PVALB: variants seen among roughly 807,000 people sequenced by gnomAD.
PVALB encodes parvalbumin, also known as parvalbumin alpha.
Under a neutral mutation model 10.9 loss-of-function variants are expected in PVALB, and 11 were observed. The ratio of observed to expected loss-of-function variants is 1.01; its 90% CI spans 0.63 to 1.67. The LOEUF (loss-of-function observed/expected upper bound fraction) is 1.67. Ranked by LOEUF, PVALB falls within the 40% of genes most tolerant of loss-of-function variation. PVALB has a pLI of 0.00. For missense variants in PVALB, 131 were observed against 136.2 expected, an observed-to-expected ratio of 0.96 and a Z score of 0.19; for synonymous variants, 57 against 50.7, an observed-to-expected ratio of 1.12 and a Z score of -0.53.
intron 3 of PVALB, among the ~76,000 whole-genome samples, chr22:36,802,603 CA>C (rs60843863): frequency 1.7e-3 from 48 of 27,788 alleles, no homozygotes; most frequent in Admixed American, 5.8e-3. Flanking sequence ...CCATCTCACA[CA>C]AAAAAAAAAA....
chr22:36,812,375 A>G (rs1651018538), intron 3 of PVALB, among the ~76,000 whole-genome samples: 1 of 152,204 alleles, frequency 6.6e-6, no homozygotes, highest in Admixed American at 6.5e-5. Flanking sequence ...TAAGTTTTAC[A>G]TCCACTTATA....
chr22:36,808,252 G>T (rs1938990303), intron 3 of PVALB, among the ~76,000 whole-genome samples: 1 of 152,170 alleles, frequency 6.6e-6, no homozygotes, highest in Non-Finnish European at 1.5e-5. Flanking sequence ...AGGTTTGAAT[G>T]AGTTAAAAGA....
chr22:36,800,907 G>T lies in PVALB; in HGVS notation c.316C>A (p.Leu106Met), dbSNP rs1266748634. The T allele has an allele frequency of 1.9e-6, 3 of 1,611,650 alleles. No homozygotes were observed. The African/African-American group carries it at 4.0e-5, about 21-fold the overall frequency. Reference protein sequence around the residue: ...GKIGVDEFSTLVAES With the variant: ...GKIGVDEFSTMVAES ...AGTGCTTCTTAGCTTTCAGCCACCA[G>T]AGTGGAGAATTCTGCAGAACAAAAT... The change falls in exon 4 of 4, where the codon CTG (leucine) becomes ATG (methionine). Residue 106 changes from leucine to methionine, a missense_variant. Transcript: ENST00000417718.
intron 2 of PVALB, 43 bp from the exon 3 acceptor site, chr22:36,813,798 A>G: frequency 6.7e-7 from 1 of 1,501,128 alleles, no homozygotes; most frequent in Non-Finnish European, 9.3e-7. Context: ...AGTCAGGCCG[A>G]GGTCGCCTTG....
At chr22:36,815,275 G>A in intron 1 of PVALB, 40 bp from the exon 2 acceptor site, 1 of 1,612,984 alleles carries the variant, frequency 6.2e-7, no homozygotes, top group South Asian at 1.1e-5. Context: ...GACCAGAAAG[G>A]CTGGTAGGGA....
chr22:36,814,813 A>G lies in PVALB; in HGVS notation c.194+290T>C, dbSNP rs145789580. The stretch of plus-strand genomic sequence containing the variant: ...TAGGCAGCAAGAAAACTGCCTCTTC[A>G]TTTGCATTAAATTATTAAGTAGCAA... On this transcript the variant is annotated intron_variant, in intron 2 of 3. Transcript: ENST00000417718. 3.7e-3 allele frequency among the ~76,000 whole-genome samples: 558 copies of G among 152,296 alleles called. 12 individuals are homozygous for G. The highest frequency in any genetic ancestry group is 0.028 in the Admixed American group (426 of 15,302).
intron 3 of PVALB, among the ~76,000 whole-genome samples, chr22:36,802,603 C>CACAAA (rs1222848851): frequency 3.6e-5 from 1 of 27,744 alleles, no homozygotes; most frequent in Admixed American, 4.2e-4. Flanking sequence ...CCATCTCACA[C>CACAAA]AAAAAAAAAA....
chr22:36,815,071 G>A, intron 2 of PVALB, 32 bp downstream of exon 2: 1 of 1,612,994 alleles, frequency 6.2e-7, no homozygotes, highest in Non-Finnish European at 8.5e-7. Flanking sequence ...GTGCAGCCGT[G>A]GGCTGGGCAG....
chr22:36,809,615 T>C (rs1392525505), intron 3 of PVALB, among the ~76,000 whole-genome samples: 1 of 152,206 alleles, frequency 6.6e-6, no homozygotes, highest in Non-Finnish European at 1.5e-5. Context: ...GGAATCATAA[T>C]AGTATACACT....
chr22:36,813,614 A>G (rs1395946612), intron 3 of PVALB, 32 bp downstream of exon 3: 1 of 1,546,682 alleles, frequency 6.5e-7, no homozygotes, highest in Non-Finnish European at 8.9e-7. Flanking sequence ...AAGATCCACA[A>G]TATGCCCAGA....
At chr22:36,816,732 G>A (rs1455297646) in intron 1 of PVALB, among the ~76,000 whole-genome samples, 1 of 152,190 alleles carries the variant, frequency 6.6e-6, no homozygotes, top group Non-Finnish European at 1.5e-5. Flanking sequence ...TAGGCGGGGC[G>A]CCCTCTTCCC....
chr22:36,803,042 T>A (rs1318435784), intron 3 of PVALB, among the ~76,000 whole-genome samples: 1 of 152,244 alleles, frequency 6.6e-6, no homozygotes, highest in East Asian at 1.9e-4. Context: ...TTATAGCTAG[T>A]AACTAACATT....
chr22:36,815,791 G>C (rs138014798), intron 1 of PVALB, among the ~76,000 whole-genome samples: 2 of 152,072 alleles, frequency 1.3e-5, no homozygotes, highest in Admixed American at 1.3e-4. Flanking sequence ...AATCCACTTC[G>C]GAGGCAGTGG....
At chr22:36,813,361 G>T in intron 3 of PVALB, 1 of 393,002 alleles carries the variant, frequency 2.5e-6, no homozygotes, top group Admixed American at 3.8e-5. Flanking sequence ...AATGCAGGCA[G>T]AGTTCAGGAA....
At chr22:36,813,620 C>A in intron 3 of PVALB, 26 bp downstream of exon 3, 1 of 1,567,960 alleles carries the variant, frequency 6.4e-7, no homozygotes, top group African/African-American at 1.4e-5. Flanking sequence ...CACAATATGC[C>A]CAGACCCCAG....
At chr22:36,805,937 A>G (rs1260879080) in intron 3 of PVALB, among the ~76,000 whole-genome samples, 1 of 152,168 alleles carries the variant, frequency 6.6e-6, no homozygotes, top group Non-Finnish European at 1.5e-5. Flanking sequence ...CATCTATCCC[A>G]TCAGAGCTAG....
At chr22:36,814,973 C>G in intron 2 of PVALB, 130 bp downstream of exon 2, 1 of 1,253,146 alleles carries the variant, frequency 8.0e-7, no homozygotes, top group South Asian at 1.5e-5. Context: ...CCTGCCTTCA[C>G]GCACGGTTAC....
rs1366916548 is a variant in PVALB at position 36,816,932 on chromosome 22, C to G, written c.61+13G>C. 3.1e-6 allele frequency: 5 copies of G among 1,596,774 alleles called. No homozygotes were observed. Among genetic ancestry groups the G allele is most frequent in the Non-Finnish European group, 4.3e-6 (5 of 1,174,440 alleles). On this transcript the variant is annotated intron_variant, in intron 1 of 3. Transcript: ENST00000417718. ...GAGGGGAGAGGGATGGGGAGGGGAG[C>G]GCGCTTGCTCACCGCTAAAGGCTCC...
At chr22:36,815,278 G>A (rs765881309) in intron 1 of PVALB, 43 bp from the exon 2 acceptor site, 1 of 1,612,136 alleles carries the variant, frequency 6.2e-7, no homozygotes, top group Non-Finnish European at 8.5e-7. Flanking sequence ...CAGAAAGGCT[G>A]GTAGGGAAGC....
Sources: allele counts gnomAD v4.1 joint callset (sites outside exome capture counted in the v4.1 genomes callset), GRCh38; gene constraint gnomAD v4.1.1; transcripts MANE v1.5; gene names NCBI Gene and HGNC (gene_info 2026-07-23, HGNC 2026-07-21).